NLGN4X: variants seen among roughly 807,000 people sequenced by gnomAD.
NLGN4X encodes the protein neuroligin 4 X-linked, also known as neuroligin-4, X-linked.
A neutral mutation model predicts 40.3 loss-of-function variants in NLGN4X; 3 were observed. That is an observed-to-expected ratio of 0.07 (90% CI 0.03 to 0.19). The LOEUF is 0.19. NLGN4X is among the 10% of genes least tolerant of loss of function. NLGN4X has a pLI of 1.00. For synonymous variants in NLGN4X, 270 were observed against 306.8 expected, an observed-to-expected ratio of 0.88 and a Z score of 1.25; for missense variants, 382 against 708.3, an observed-to-expected ratio of 0.54 and a Z score of 5.23.
intron 2 of NLGN4X, among the ~76,000 whole-genome samples, chrX:6,120,767 T>A (rs972567354): frequency 8.0e-5 from 9 of 112,033 alleles, no homozygotes; most frequent in African/African-American, 2.9e-4. Flanking sequence ...ATAGATCACA[T>A]TCTGAAGGGA....
At chrX:5,918,883 A>C (rs1271198695) in intron 3 of NLGN4X, among the ~76,000 whole-genome samples, 3 of 112,000 alleles carry the variant, frequency 2.7e-5, no homozygotes, top group Admixed American at 9.5e-5. Context: ...TTCACTAAGC[A>C]GGAGGGATGT....
At chrX:6,042,708 T>TAC (rs1569203669) in intron 2 of NLGN4X, among the ~76,000 whole-genome samples, 1 of 34,437 alleles carries the variant, frequency 2.9e-5, no homozygotes, top group African/African-American at 9.6e-5. Flanking sequence ...TATATATATA[T>TAC]ATATATATAT....
chrX:5,909,846 T>C (rs758945294), intron 3 of NLGN4X, among the ~76,000 whole-genome samples: 2 of 111,421 alleles, frequency 1.8e-5, no homozygotes, highest in Non-Finnish European at 3.8e-5. Flanking sequence ...TCTATTTTCC[T>C]ACATAGCGAA....
chrX:6,041,946 ATTTAAC>A (rs748655090), intron 2 of NLGN4X, among the ~76,000 whole-genome samples: 11 of 112,505 alleles, frequency 9.8e-5, no homozygotes, highest in Non-Finnish European at 1.5e-4. Flanking sequence ...GTATCTTCTT[ATTTAAC>A]TTTGAGAGTA....
intron 2 of NLGN4X, among the ~76,000 whole-genome samples, chrX:6,055,442 C>A (rs2037598850): frequency 1.8e-5 from 2 of 111,710 alleles, no homozygotes; most frequent in Admixed American, 1.9e-4. Flanking sequence ...CTGTGGTGAG[C>A]TTTGATTGCA....
At chrX:5,984,654 T>C (rs2035480358) in intron 3 of NLGN4X, among the ~76,000 whole-genome samples, 1 of 112,248 alleles carries the variant, frequency 8.9e-6, no homozygotes, top group African/African-American at 3.2e-5. Context: ...AAATATATTA[T>C]TTTTAAAGGA....
chrX:6,019,826 G>A (rs2036486768), intron 3 of NLGN4X, among the ~76,000 whole-genome samples: 1 of 111,934 alleles, frequency 8.9e-6, no homozygotes. Context: ...TTAAGAGACT[G>A]TTTTGAATGT....
chrX:6,206,375 T>C (rs1569298293), intron 1 of NLGN4X, among the ~76,000 whole-genome samples: 1 of 111,909 alleles, frequency 8.9e-6, no homozygotes, highest in Non-Finnish European at 1.9e-5. Flanking sequence ...CATCCAGTCA[T>C]CACACTGGAC....
chrX:5,966,061 C>A (rs769647434), intron 3 of NLGN4X, among the ~76,000 whole-genome samples: 2 of 111,896 alleles, frequency 1.8e-5, no homozygotes, highest in African/African-American at 6.5e-5. Context: ...GGGGTCCTTG[C>A]AAATGGTATT....
chrX:6,162,521 A>G (rs1602345805), intron 1 of NLGN4X, among the ~76,000 whole-genome samples: 1 of 111,886 alleles, frequency 8.9e-6, no homozygotes, highest in South Asian at 3.8e-4. Flanking sequence ...CTCCTGTGCT[A>G]GATGCTTCCT....
At chrX:6,017,400 T>C (rs1487227360) in intron 3 of NLGN4X, among the ~76,000 whole-genome samples, 1 of 112,019 alleles carries the variant, frequency 8.9e-6, no homozygotes, top group Non-Finnish European at 1.9e-5. Context: ...TATTCCTAAG[T>C]AATCTTGTAA....
At chrX:5,972,004 G>A (rs1327060859) in intron 3 of NLGN4X, among the ~76,000 whole-genome samples, 1 of 111,813 alleles carries the variant, frequency 8.9e-6, no homozygotes, top group Non-Finnish European at 1.9e-5. Context: ...TGCTGCGAGA[G>A]CAACTTTTAA....
chrX:6,054,910 C>T (rs1340110467), intron 2 of NLGN4X, among the ~76,000 whole-genome samples: 1 of 112,141 alleles, frequency 8.9e-6, no homozygotes, highest in Non-Finnish European at 1.9e-5. Flanking sequence ...CCCTCCTCGG[C>T]CTCCCAAAGT....
intron 2 of NLGN4X, among the ~76,000 whole-genome samples, chrX:6,096,357 T>C (rs1295445786): frequency 8.9e-6 from 1 of 111,762 alleles, no homozygotes; most frequent in Non-Finnish European, 1.9e-5. Context: ...AGCTGAAAAA[T>C]AGAAACAACA....
chrX:5,980,284 G>A (rs1168497884), intron 3 of NLGN4X, among the ~76,000 whole-genome samples: 1 of 108,701 alleles, frequency 9.2e-6, no homozygotes. Flanking sequence ...ACCTTCATCC[G>A]ATATTTAATT....
chrX:6,174,478 A>C (rs755726997), intron 1 of NLGN4X, among the ~76,000 whole-genome samples: 22 of 112,052 alleles, frequency 2.0e-4, no homozygotes, highest in African/African-American at 6.8e-4. Flanking sequence ...AGACGCATGC[A>C]TTTGTATGTT....
chrX:6,216,925 G>T (rs1478018390), intron 1 of NLGN4X, among the ~76,000 whole-genome samples: 3 of 111,646 alleles, frequency 2.7e-5, no homozygotes, highest in East Asian at 2.8e-4. Flanking sequence ...GAGTAACAGG[G>T]ACTACAGACA....
intron 1 of NLGN4X, among the ~76,000 whole-genome samples, chrX:6,173,380 C>A (rs1442205649): frequency 8.9e-6 from 1 of 111,883 alleles, no homozygotes; most frequent in African/African-American, 3.2e-5. Flanking sequence ...CGAAGGCTGG[C>A]CATAGGAACT....
At chrX:5,996,865 G>A (rs1296862782) in intron 3 of NLGN4X, among the ~76,000 whole-genome samples, 1 of 110,983 alleles carries the variant, frequency 9.0e-6, no homozygotes, top group African/African-American at 3.3e-5. Flanking sequence ...CCAAAGTGCT[G>A]GGATTACAGG....
Sources: gnomAD v4.1 joint callset for allele counts (sites outside exome capture counted in the v4.1 genomes callset) on GRCh38, gnomAD v4.1.1 for gene constraint, MANE v1.5 for transcripts, NCBI Gene and HGNC (gene_info 2026-07-23, HGNC 2026-07-21) for gene names.